ARFRP1: variants seen among roughly 807,000 people sequenced by gnomAD.
ARFRP1 encodes the protein ARF related protein 1.
Under a neutral mutation model 30.3 loss-of-function variants are expected in ARFRP1, and 19 were observed. That is an observed-to-expected ratio of 0.63 (90% CI 0.44 to 0.92). The LOEUF is 0.92. Ranked by LOEUF, ARFRP1 falls within the 40% of genes least tolerant of loss-of-function variation. The pLI is 0.00. For synonymous variants in ARFRP1, 133 were observed against 114.2 expected (o/e 1.16, Z -1.05); for missense variants, 245 against 267.5 (o/e 0.92, Z 0.59).
At position 63,698,690 on chromosome 20, in the gene ARFRP1, T is replaced by G; in HGVS notation, c.*1753A>C. On this transcript the variant is annotated 3_prime_UTR_variant, in exon 8 of 8. Transcript: ENST00000622789. ...TATAAAGCTTTTTCATAAAACTGGT[T>G]GTAGTTGCACAGCTACTGGGAGGGC... The G allele has an allele frequency of 8.3e-7, 1 of 1,199,408 alleles. No individual in the cohort carries two copies. Among genetic ancestry groups the G allele is most frequent in the South Asian group, 2.0e-5 (1 of 50,786 alleles). The allele number at this position is 1,199,408 out of a possible 1,614,324, so 74.3% of individuals were successfully genotyped here.
In ARFRP1 at chr20:63,702,105, A is replaced by C. The variant is rs753873868; in HGVS notation, c.346+31T>G. 9.4e-6 allele frequency: 15 copies of C among 1,596,756 alleles called. No individual in the cohort carries two copies. In the South Asian group the frequency reaches 1.4e-4, roughly 15 times the overall value. On this transcript the variant is annotated intron_variant, in intron 5 of 7. Coordinates refer to ENST00000622789, the MANE Select transcript of ARFRP1 (RefSeq NM_001267547.3). ...CTGGACCTGCCCCCACTCACCATCC[A>C]TCCCTCCCAGAGCAGCCAGGCCGCA...
chr20:63,698,671 G>A lies in ARFRP1; in HGVS notation c.*1772C>T. On this transcript the variant is annotated 3_prime_UTR_variant, in exon 8 of 8. Transcript: ENST00000622789. ...GTTTCTTAAAGCTTATTTTTATAAAGCTTTTTCATAAAACTGGTTGTAGTT... is the reference window on the plus strand; with the variant it reads ...GTTTCTTAAAGCTTATTTTTATAAAACTTTTTCATAAAACTGGTTGTAGTT... 2 of 1,294,070 alleles carry A rather than the reference G, an allele frequency of 1.5e-6. No homozygotes were observed. The highest frequency in any genetic ancestry group is 1.9e-5 in the South Asian group (1 of 52,646). 80.2% of individuals were successfully genotyped at this position (1,294,070 alleles called of 1,614,324 possible).
chr20:63,702,005 C>T (rs950839637), intron 5 of ARFRP1, 105 bp from the exon 6 acceptor site: 2 of 967,266 alleles, frequency 2.1e-6, no homozygotes, highest in Admixed American at 2.4e-5. Flanking sequence ...TCTGCCCCCC[C>T]CCCCCCCGTC....
In ARFRP1 at chr20:63,702,574, ACTCCGT is replaced by A. The variant is rs202011856; in HGVS notation, c.265-363_265-358del. ...CGGCCAACCTGGGCAACACAGTGAG[ACTCCGT>A]CTGTACAAAAGCTTATGGTAATGTG... is the stretch of plus-strand genomic sequence containing the variant. On this transcript the variant is annotated intron_variant, in intron 4 of 7. Transcript: ENST00000622789. 1,218 of 306,542 alleles carry A rather than the reference ACTCCGT, an allele frequency of 4.0e-3. 32 individuals carry two copies. In the Admixed American group the frequency reaches 0.048, roughly 12 times the overall value. 19.0% of individuals were successfully genotyped at this position (306,542 alleles called of 1,614,324 possible).
At position 63,700,711 on chromosome 20, in the gene ARFRP1, G is replaced by A. The variant is rs372480202; in HGVS notation, c.418-9C>T. On this transcript the variant is annotated splice_polypyrimidine_tract_variant and intron_variant, in intron 6 of 7. Transcript: ENST00000622789. ...GGGATTGAGAGGCACGTCTGGGGGA[G>A]GTAAGGCCGTGAGGAGCAGCCCCCA... 6.8e-6 allele frequency: 11 copies of A among 1,609,842 alleles called. No homozygotes were observed. Among genetic ancestry groups the A allele is most frequent in the African/African-American group, 1.3e-5 (1 of 74,866 alleles).
chr20:63,702,331 C>G (rs1348248391), intron 4 of ARFRP1, 114 bp from the exon 5 acceptor site: 8 of 976,984 alleles, frequency 8.2e-6, no homozygotes, highest in Non-Finnish European at 1.2e-5. Flanking sequence ...GGCAAGAGGG[C>G]AGCCCCCAAC....
chr20:63,700,773 C>A (rs2091167316), intron 6 of ARFRP1, 71 bp from the exon 7 acceptor site: 2 of 1,561,294 alleles, frequency 1.3e-6, no homozygotes, highest in South Asian at 2.3e-5. Flanking sequence ...CCGGGACTCT[C>A]AGAAGGGCGT....
In ARFRP1 at chr20:63,700,314, A is replaced by T; in HGVS notation, c.*129T>A. On this transcript the variant is annotated 3_prime_UTR_variant, in exon 8 of 8. Transcript: ENST00000622789. ...ACATAGAGGAAAGTTTGTCTTCGAG[A>T]AAACAAAGTAAATAGAAGAACCCCA... 7.4e-7 allele frequency: 1 copy of T among 1,357,908 alleles called. No homozygotes were observed. Among genetic ancestry groups the T allele is most frequent in the Non-Finnish European group, 1.0e-6 (1 of 1,000,992 alleles). 84.1% of individuals were successfully genotyped at this position (1,357,908 alleles called of 1,614,324 possible). A position where few individuals can be genotyped will look rare whatever the true frequency, so the allele number is the denominator to read the frequency against.
rs1254867744 is a variant in ARFRP1, at chr20:63,700,292, T to C, written c.*151A>G. ...CCGGATGCCTACGCTTTTCCAGACA[T>C]AGAGGAAAGTTTGTCTTCGAGAAAA... On this transcript the variant is annotated 3_prime_UTR_variant, in exon 8 of 8. Coordinates refer to ENST00000622789, the MANE Select transcript of ARFRP1 (RefSeq NM_001267547.3). The C allele has an allele frequency of 2.5e-6, 3 of 1,179,838 alleles. No individual in the cohort carries two copies. Among genetic ancestry groups the C allele is most frequent in the Non-Finnish European group, 3.5e-6 (3 of 850,652 alleles). 73.1% of individuals were successfully genotyped at this position (1,179,838 alleles called of 1,614,324 possible).
In ARFRP1 at chr20:63,706,261, G is replaced by A. The variant is rs1601282717; in HGVS notation, c.264+96C>T. 6 of 1,154,030 alleles carry A rather than the reference G, an allele frequency of 5.2e-6. No homozygotes were observed. The East Asian group carries it at 7.1e-5, about 14-fold the overall frequency. The allele number at this position is 1,154,030 out of a possible 1,614,324, so 71.5% of individuals were successfully genotyped here. ...AGAGAAAACCCGAGGGACAGAGTGG[G>A]TAAGGAAAACTGCTGAGGAAGGGCC... On this transcript the variant is annotated intron_variant, in intron 4 of 7. Coordinates refer to ENST00000622789, the MANE Select transcript of ARFRP1 (RefSeq NM_001267547.3).
At position 63,699,129 on chromosome 20, in the gene ARFRP1, C is replaced by T. The variant is rs2091065056; in HGVS notation, c.*1314G>A. The stretch of plus-strand genomic sequence containing the variant: ...AAGCCTCCCGATGCACCCAGAGCAA[C>T]CGGGGGGCTGCACCAGCCACTCGCC... On this transcript the variant is annotated 3_prime_UTR_variant, in exon 8 of 8. Transcript: ENST00000622789. 6.6e-6 allele frequency: 1 copy of T among 152,216 alleles called. No individual in the cohort carries two copies. The highest frequency in any genetic ancestry group is 6.5e-5 in the Admixed American group (1 of 15,282). The allele number at this position is 152,216 out of a possible 1,614,324, so 9.4% of individuals were successfully genotyped here. A position where few individuals can be genotyped will look rare whatever the true frequency, so the allele number is the denominator to read the frequency against.
intron 5 of ARFRP1, 89 bp from the exon 6 acceptor site, chr20:63,701,989 A>AGAGGCAGCGC: frequency 1.1e-6 from 1 of 943,748 alleles, no homozygotes; most frequent in Non-Finnish European, 1.4e-6. Context: ...TGTGACAGCC[A>AGAGGCAGCGC]CTCCCTCTGC....
At chr20:63,704,394 C>T (rs2091357445) in intron 4 of ARFRP1, 1 of 152,314 alleles carries the variant, frequency 6.6e-6, no homozygotes, top group Non-Finnish European at 1.5e-5. Flanking sequence ...ATGACTTGCA[C>T]CTCATGTCTA....
rs113487848 is a variant in ARFRP1 at position 63,705,727 on chromosome 20, G to A, written c.264+630C>T. 6.7e-4 allele frequency: 359 copies of A among 533,190 alleles called. 2 individuals carry two copies. Among genetic ancestry groups the A allele is most frequent in the African/African-American group, 6.2e-3 (324 of 52,050 alleles). 33.0% of individuals were successfully genotyped at this position (533,190 alleles called of 1,614,324 possible). A position where few individuals can be genotyped will look rare whatever the true frequency, so the allele number is the denominator to read the frequency against. ...TGGTCAGCAGCAAGGTCTCTGAGCC[G>A]AAAGGAGGCACTCACTTTGGAGGAG... On this transcript the variant is annotated intron_variant, in intron 4 of 7. Coordinates refer to ENST00000622789, the MANE Select transcript of ARFRP1 (RefSeq NM_001267547.3).
Position 63,700,632 on chromosome 20 carries a change from C to G in ARFRP1, c.488G>C (p.Cys163Ser). 6.2e-7 allele frequency: 1 copy of G among 1,610,790 alleles called. No individual in the cohort carries two copies. The highest frequency in any genetic ancestry group is 8.5e-7 in the Non-Finnish European group (1 of 1,179,836). ...DCTSKIGRRD[C>S]LTQACSALTG... The stretch of plus-strand genomic sequence containing the variant: ...GAGGGCCGAGCAGGCCTGGGTCAGG[C>G]AATCTCGCCTGCCGATCTTGCTGGT... Residue 163 changes from cysteine to serine, a missense_variant, in exon 7 of 8, where the codon TGC (cysteine) becomes TCC (serine). Coordinates refer to ENST00000622789, the MANE Select transcript of ARFRP1 (RefSeq NM_001267547.3).
chr20:63,701,773 C>T, intron 6 of ARFRP1, 57 bp downstream of exon 6: 2 of 1,488,964 alleles, frequency 1.3e-6, no homozygotes, highest in Non-Finnish European at 1.8e-6. Context: ...GCTCCCCTTG[C>T]TGTGGGGGAG....
Position 63,700,297 on chromosome 20 carries a change from G to T in ARFRP1, c.*146C>A, listed in dbSNP as rs570610907. On this transcript the variant is annotated 3_prime_UTR_variant, in exon 8 of 8. Transcript: ENST00000622789. Reference sequence around the variant, plus strand: ...TGCCTACGCTTTTCCAGACATAGAGGAAAGTTTGTCTTCGAGAAAACAAAG... The same window carrying T: ...TGCCTACGCTTTTCCAGACATAGAGTAAAGTTTGTCTTCGAGAAAACAAAG... 3 of 1,226,530 alleles carry T rather than the reference G, an allele frequency of 2.4e-6. No individual in the cohort carries two copies. Among genetic ancestry groups the T allele is most frequent in the East Asian group, 2.6e-5 (1 of 39,040 alleles). The allele number at this position is 1,226,530 out of a possible 1,614,324, so 76.0% of individuals were successfully genotyped here. A position where few individuals can be genotyped will look rare whatever the true frequency, so the allele number is the denominator to read the frequency against.
intron 2 of ARFRP1, 48 bp downstream of exon 2, chr20:63,706,951 G>A (rs1233324154): frequency 1.2e-6 from 2 of 1,604,350 alleles, no homozygotes; most frequent in East Asian, 2.2e-5. Context: ...ACCGAAGGGG[G>A]CGCCGCCAGG....
chr20:63,700,991 G>A (rs1266721793), intron 6 of ARFRP1, among the ~76,000 whole-genome samples: 1 of 152,176 alleles, frequency 6.6e-6, no homozygotes, highest in Non-Finnish European at 1.5e-5. Context: ...GGGGCGCTGA[G>A]GACTGAGGCC....
Sources: allele counts gnomAD v4.1 joint callset (sites outside exome capture counted in the v4.1 genomes callset), GRCh38; gene constraint gnomAD v4.1.1; transcripts MANE v1.5; gene names NCBI Gene and HGNC (gene_info 2026-07-23, HGNC 2026-07-21).